Variants in BIN3 observed in about 807,000 individuals in gnomAD.
BIN3 encodes bridging integrator 3.
In BIN3, 41 loss-of-function variants were observed where a neutral mutation model predicts 38.2. The ratio of observed to expected loss-of-function variants is 1.07; its 90% CI spans 0.84 to 1.39. The LOEUF (loss-of-function observed/expected upper bound fraction) is 1.39. BIN3 is among the 40% of genes most tolerant of loss of function. BIN3 has a pLI of 0.00. For synonymous variants in BIN3, 145 were observed against 122.6 expected, an observed-to-expected ratio of 1.18 and a Z score of -1.21; for missense variants, 361 against 324.3, an observed-to-expected ratio of 1.11 and a Z score of -0.87.
At chr8:22,645,765 G>A (rs574989371) in intron 1 of BIN3, among the ~76,000 whole-genome samples, 1 of 152,320 alleles carries the variant, frequency 6.6e-6, no homozygotes, top group South Asian at 2.1e-4. Context: ...CTTCTCTATA[G>A]AGGGGCAAAC....
intron 6 of BIN3, among the ~76,000 whole-genome samples, chr8:22,628,303 T>G (rs1372364890): frequency 6.6e-6 from 1 of 152,272 alleles, no homozygotes; most frequent in South Asian, 2.1e-4. Context: ...GTGATCTTCA[T>G]CAGAGGACAG....
intron 8 of BIN3, among the ~76,000 whole-genome samples, chr8:22,621,953 T>C (rs1383776761): frequency 6.6e-6 from 1 of 152,228 alleles, no homozygotes; most frequent in Non-Finnish European, 1.5e-5. Context: ...CATGGTAGGC[T>C]GATGGCTCCC....
Position 22,624,363 on chromosome 8 carries a change from C to T in BIN3, c.339G>A (p.Lys113=), listed in dbSNP as rs370361144. ...IQKTVIEPLK[K]FGSVFPSLNM... ...TGAGGCTCGGGAAGACACTGCCGAACCTGTGGGACAAGCTGGCTGGAGATG... is the reference window on the plus strand; with the variant it reads ...TGAGGCTCGGGAAGACACTGCCGAATCTGTGGGACAAGCTGGCTGGAGATG... The change falls in exon 7 of 9, where the codon AAG becomes AAA. Residue 113 remains lysine, a splice_region_variant and synonymous_variant. Transcript: ENST00000276416. 3 of 1,611,458 alleles carry T rather than the reference C, an allele frequency of 1.9e-6. No homozygotes were observed. The African/African-American group carries it at 4.0e-5, about 22-fold the overall frequency.
At chr8:22,656,598 T>C (rs763963130) in intron 1 of BIN3, among the ~76,000 whole-genome samples, 17 of 152,242 alleles carry the variant, frequency 1.1e-4, no homozygotes, top group African/African-American at 2.4e-4. Flanking sequence ...CTTGAAGTTA[T>C]AGAAAATGTT....
At chr8:22,649,089 C>T (rs1029680068) in intron 1 of BIN3, among the ~76,000 whole-genome samples, 1 of 152,174 alleles carries the variant, frequency 6.6e-6, no homozygotes, top group African/African-American at 2.4e-5. Context: ...CTTACTTTTC[C>T]TATTCACTCA....
rs149839749 is a variant in BIN3 at position 22,623,611 on chromosome 8, C to T, written c.615+304G>A. On this transcript the variant is annotated intron_variant, in intron 8 of 8. Coordinates refer to ENST00000276416, the MANE Select transcript of BIN3 (RefSeq NM_018688.6). Reference sequence around the variant, plus strand: ...AAACCGCCCACTTGAGGGTGCGGGGCAGAGGAGCTACTTATAGTGAAATGT... The same window carrying T: ...AAACCGCCCACTTGAGGGTGCGGGGTAGAGGAGCTACTTATAGTGAAATGT... 6.7e-3 allele frequency among the ~76,000 whole-genome samples: 1,026 copies of T among 152,324 alleles called. 12 individuals are homozygous for T. Among genetic ancestry groups the T allele is most frequent in the African/African-American group, 0.023 (959 of 41,564 alleles).
At position 22,669,059 on chromosome 8, in the gene BIN3, A is replaced by C. The variant is rs1377347178; in HGVS notation, c.-8T>G. On this transcript the variant is annotated 5_prime_UTR_variant, in exon 1 of 9. Transcript: ENST00000276416. The stretch of plus-strand genomic sequence containing the variant: ...CCTCACTCACCAGCTCATGGTCCCG[A>C]ACCTGCGTCTGCCGCCGGGGTCCTC... 2 of 1,591,910 alleles carry C rather than the reference A, an allele frequency of 1.3e-6. No homozygotes were observed. The highest frequency in any genetic ancestry group is 8.5e-7 in the Non-Finnish European group (1 of 1,169,816).
intron 1 of BIN3, among the ~76,000 whole-genome samples, chr8:22,660,230 C>G (rs1307495020): frequency 6.6e-6 from 1 of 152,250 alleles, no homozygotes; most frequent in Non-Finnish European, 1.5e-5. Flanking sequence ...ATCCTAATAT[C>G]TGACAGACAA....
In BIN3 at chr8:22,620,750, T is replaced by C. The variant is rs557571116; in HGVS notation, c.*672A>G. 1 of 152,300 alleles carries C rather than the reference T, an allele frequency of 6.6e-6. No homozygotes were observed. Among genetic ancestry groups the C allele is most frequent in the Non-Finnish European group, 1.5e-5 (1 of 68,016 alleles). The allele number at this position is 152,300 out of a possible 1,614,324, so 9.4% of individuals were successfully genotyped here. A position where few individuals can be genotyped will look rare whatever the true frequency, so the allele number is the denominator to read the frequency against. ...AAAATTTTACTTGAAAAAATAAAAT[T>C]CCAGATACTCAGGTGAGACACAAAC... On this transcript the variant is annotated 3_prime_UTR_variant, in exon 9 of 9. Coordinates refer to ENST00000276416, the MANE Select transcript of BIN3 (RefSeq NM_018688.6).
At chr8:22,639,285 G>A (rs1476900016) in intron 2 of BIN3, among the ~76,000 whole-genome samples, 3 of 151,172 alleles carry the variant, frequency 2.0e-5, no homozygotes. Flanking sequence ...AGGCTGGAAT[G>A]CGATGGTGGC....
intron 6 of BIN3, among the ~76,000 whole-genome samples, chr8:22,628,009 C>T (rs1396455655): frequency 6.6e-6 from 1 of 152,238 alleles, no homozygotes; most frequent in East Asian, 1.9e-4. Context: ...CTTGTCTGTC[C>T]TAAGGCTCAA....
intron 1 of BIN3, among the ~76,000 whole-genome samples, chr8:22,645,298 CA>C (rs113918512): frequency 0.1 from 14,754 of 144,246 alleles, 1,309 homozygotes; most frequent in African/African-American, 0.24. Context: ...GATCCTATCT[CA>C]AAAAAAAAAA....
rs373225581 is a variant in BIN3, at chr8:22,646,110, C to T, written c.9-1307G>A. On this transcript the variant is annotated intron_variant, in intron 1 of 8. Coordinates refer to ENST00000276416, the MANE Select transcript of BIN3 (RefSeq NM_018688.6). ...GGACTCCATTTCCTGCTGCATAAAA[C>T]GAGTAGATTAAACTAGGTAATTTAG... Among the ~76,000 whole-genome samples, 31 of 152,274 alleles carry T rather than the reference C, an allele frequency of 2.0e-4. 1 individual carries two copies. Among genetic ancestry groups the T allele is most frequent in the Admixed American group, 1.4e-3 (21 of 15,292 alleles).
chr8:22,634,062 A>G (rs1288427506), intron 4 of BIN3, among the ~76,000 whole-genome samples: 1 of 152,250 alleles, frequency 6.6e-6, no homozygotes, highest in East Asian at 1.9e-4. Flanking sequence ...AGCCACTGTG[A>G]ACACAGCACA....
Position 22,624,357 on chromosome 8 carries a change from GC to G in BIN3, c.344del (p.Gly115AlafsTer11). Reference sequence around the variant, plus strand: ...CCATGTTGAGGCTCGGGAAGACACTGCCGAACCTGTGGGACAAGCTGGCTGG... The same window carrying G: ...CCATGTTGAGGCTCGGGAAGACACTGCGAACCTGTGGGACAAGCTGGCTGG... The part of the protein sequence containing the change: ...KTVIEPLKKF[G>X]SVFPSLNMAV... On this transcript the variant is annotated frameshift_variant, in exon 7 of 9. Coordinates refer to ENST00000276416, the MANE Select transcript of BIN3 (RefSeq NM_018688.6). LOFTEE classifies it high-confidence loss of function. The G allele has an allele frequency of 6.2e-7, 1 of 1,612,470 alleles. No individual in the cohort carries two copies. Among genetic ancestry groups the G allele is most frequent in the South Asian group, 1.1e-5 (1 of 90,876 alleles).
chr8:22,668,721 C>T (rs982842942), intron 1 of BIN3, among the ~76,000 whole-genome samples: 70 of 152,322 alleles, frequency 4.6e-4, no homozygotes, highest in African/African-American at 1.6e-3. Flanking sequence ...ACACTGACTC[C>T]ACCTCAATGG....
At chr8:22,622,668 C>T (rs3758045) in intron 8 of BIN3, 15,998 of 152,326 alleles carry the variant, frequency 0.11, 1,687 homozygotes, top group African/African-American at 0.27. Flanking sequence ...AACCTGGACA[C>T]GCGGGAGCCT....
At chr8:22,668,361 GACTCTATT>G (rs1803495222) in intron 1 of BIN3, among the ~76,000 whole-genome samples, 1 of 152,158 alleles carries the variant, frequency 6.6e-6, no homozygotes, top group Non-Finnish European at 1.5e-5. Context: ...CTGGAATTGT[GACTCTATT>G]ACTCTAAGAC....
At chr8:22,631,566 C>T (rs1468375456) in intron 4 of BIN3, among the ~76,000 whole-genome samples, 2 of 152,206 alleles carry the variant, frequency 1.3e-5, no homozygotes, top group Admixed American at 6.5e-5. Context: ...CAAGGTCAAA[C>T]GGCTGAGTGC....
Sources: allele counts gnomAD v4.1 joint callset (sites outside exome capture counted in the v4.1 genomes callset), GRCh38; gene constraint gnomAD v4.1.1; transcripts MANE v1.5; gene names NCBI Gene and HGNC (gene_info 2026-07-23, HGNC 2026-07-21).